IGSF3: variants seen among roughly 807,000 people sequenced by gnomAD.
IGSF3 encodes the protein glu-Trp-Ile EWI motif-containing protein 3.
A neutral mutation model predicts 114.4 loss-of-function variants in IGSF3; 23 were observed. That is an observed-to-expected ratio of 0.20 (90% CI 0.14 to 0.28). IGSF3 has a LOEUF of 0.28. Ranked by LOEUF, IGSF3 falls within the 10% of genes least tolerant of loss-of-function variation. The probability of loss-of-function intolerance (pLI) is 1.00; values close to 1 mark genes in which losing one functional copy is unlikely to be tolerated. For missense variants in IGSF3, 1,172 were observed against 1,591.5 expected, an observed-to-expected ratio of 0.74 and a Z score of 4.48; for synonymous variants, 571 against 645.2, an observed-to-expected ratio of 0.88 and a Z score of 1.74.
rs568788841 is a variant in IGSF3, at chr1:116,594,295, T to C, written c.2030-5191A>G. On this transcript the variant is annotated intron_variant, in intron 7 of 10. Transcript: ENST00000369486. The surrounding 1 kb of genome is among the most constrained non-coding windows in gnomAD (Gnocchi z 5.2). Reference sequence around the variant, plus strand: ...GAACTACTTTTTTTAAAAAAAACTTTCTTTATCCCACAACTAGGACAATAT... The same window carrying C: ...GAACTACTTTTTTTAAAAAAAACTTCCTTTATCCCACAACTAGGACAATAT... Among the ~76,000 whole-genome samples, 1 of 152,338 alleles carries C rather than the reference T, an allele frequency of 6.6e-6. No individual in the cohort carries two copies. Among genetic ancestry groups the C allele is most frequent in the Admixed American group, 6.5e-5 (1 of 15,308 alleles).
chr1:116,583,063 C>T lies in IGSF3; in HGVS notation c.2848+1582G>A, dbSNP rs995857746. Among the ~76,000 whole-genome samples, 2 of 152,176 alleles carry T rather than the reference C, an allele frequency of 1.3e-5. No individual in the cohort carries two copies. Among genetic ancestry groups the T allele is most frequent in the African/African-American group, 4.8e-5 (2 of 41,430 alleles). The stretch of plus-strand genomic sequence containing the variant: ...AGGGAAGCCTGGGTGGTCACTCTGC[C>T]TGCACCTGCTGGCTGGGTGGTGATT... On this transcript the variant is annotated intron_variant, in intron 9 of 10. Transcript: ENST00000369486. The surrounding 1 kb of genome is among the most constrained non-coding windows in gnomAD (Gnocchi z 4.5).
intron 7 of IGSF3, 32 bp downstream of exon 7, chr1:116,599,909 G>GGCGCATA: frequency 3.8e-6 from 6 of 1,565,900 alleles, no homozygotes; most frequent in Non-Finnish European, 4.4e-6. Flanking sequence ...CAGGCAGCAT[G>GGCGCATA]GGCACATAGC....
Position 116,633,108 on chromosome 1 carries a change from T to C in IGSF3, c.44-16651A>G, listed in dbSNP as rs970764514. 6.6e-6 allele frequency among the ~76,000 whole-genome samples: 1 copy of C among 152,242 alleles called. No individual in the cohort carries two copies. Among genetic ancestry groups the C allele is most frequent in the Non-Finnish European group, 1.5e-5 (1 of 68,040 alleles). On this transcript the variant is annotated intron_variant, in intron 2 of 10. Coordinates refer to ENST00000369486, the MANE Select transcript of IGSF3 (RefSeq NM_001007237.3). This position sits in a 1 kb window ranked among gnomAD's most constrained non-coding sequence, Gnocchi z 4.3. ...TTCTGTGAGCTGTATTTGGGCTTTA[T>C]GCAGAGTTCAGCTGCCATCTGTCCC...
rs1459995754 is a variant in IGSF3, at chr1:116,588,022, CA to C, written c.2440+671del. ...GACGCAGACTTCTCTTTGGTTGTTC[CA>C]GGGGCAGATCTAAAAAGGGAAATTA... On this transcript the variant is annotated intron_variant, in intron 8 of 10. Coordinates refer to ENST00000369486, the MANE Select transcript of IGSF3 (RefSeq NM_001007237.3). The surrounding 1 kb of genome is among the most constrained non-coding windows in gnomAD (Gnocchi z 4.9). 6.6e-6 allele frequency among the ~76,000 whole-genome samples: 1 copy of C among 152,192 alleles called. No homozygotes were observed. The highest frequency in any genetic ancestry group is 1.9e-4 in the East Asian group (1 of 5,196).
intron 2 of IGSF3, among the ~76,000 whole-genome samples, chr1:116,637,915 A>G (rs1647910143): frequency 6.6e-6 from 1 of 152,212 alleles, no homozygotes; most frequent in Non-Finnish European, 1.5e-5. Flanking sequence ...CCAGCATGCT[A>G]ATGAAGCCAA....
At position 116,647,850 on chromosome 1, in the gene IGSF3, T is replaced by G. The variant is rs1202620590; in HGVS notation, c.43+18434A>C. 6.6e-6 allele frequency among the ~76,000 whole-genome samples: 1 copy of G among 152,194 alleles called. No individual in the cohort carries two copies. Among genetic ancestry groups the G allele is most frequent in the East Asian group, 1.9e-4 (1 of 5,204 alleles). On this transcript the variant is annotated intron_variant, in intron 2 of 10. Transcript: ENST00000369486. The surrounding 1 kb of genome is among the most constrained non-coding windows in gnomAD (Gnocchi z 4.6). ...TGGGCACGGTGGCTCACGCCTGTAA[T>G]CCAAGCACTTTGGGAGGCCAAGGCG...
Position 116,627,653 on chromosome 1 carries a change from C to T in IGSF3, c.44-11196G>A, listed in dbSNP as rs1220002340. ...TCAGCTACCAGGCAGCAGAGGGATG[C>T]GGGGCGCCAACAGCAAAAGCACTTG... On this transcript the variant is annotated intron_variant, in intron 2 of 10. Transcript: ENST00000369486. This position sits in a 1 kb window ranked among gnomAD's most constrained non-coding sequence, Gnocchi z 4.7. Among the ~76,000 whole-genome samples, 8 of 152,180 alleles carry T rather than the reference C, an allele frequency of 5.3e-5. No individual in the cohort carries two copies. The East Asian group carries it at 9.6e-4, about 18-fold the overall frequency.
At chr1:116,643,359 ATTC>A (rs1648194620) in intron 2 of IGSF3, among the ~76,000 whole-genome samples, 2 of 152,176 alleles carry the variant, frequency 1.3e-5, no homozygotes, top group Non-Finnish European at 2.9e-5. Context: ...CTACTTCTCC[ATTC>A]ATGCCGCAGG....
At chr1:116,646,455 CT>C (rs1244689412) in intron 2 of IGSF3, among the ~76,000 whole-genome samples, 8 of 152,174 alleles carry the variant, frequency 5.3e-5, no homozygotes, top group Non-Finnish European at 1.2e-4. Context: ...AAAAGTTCCT[CT>C]CAGCACAATA....
Position 116,613,968 on chromosome 1 carries a change from T to G in IGSF3, c.629A>C (p.Tyr210Ser), listed in dbSNP as rs558389581. ...CTCCCCCAGGCTCTGCCTCTGGGCA[T>G]ATTCGCTGCTGGAGTGAAGCATGAA... ...RDFMLHSSSEYAQRQSLGEVR... is the reference protein window; with the variant it reads ...RDFMLHSSSESAQRQSLGEVR... Residue 210 changes from tyrosine (Y) to serine (S), a missense_variant, in exon 4 of 11, where the codon TAT becomes TCT. Tyr to Ser is a moderately radical substitution (Grantham distance 144). Transcript: ENST00000369486. 1.2e-6 allele frequency: 2 copies of G among 1,613,976 alleles called. No individual in the cohort carries two copies. The highest frequency in any genetic ancestry group is 2.2e-5 in the South Asian group (2 of 91,064).
In IGSF3 at chr1:116,603,510, A is replaced by G; in HGVS notation, c.1624+114T>C. ...GAAAGTACTTCAAACTCTATAGGTAAAAGACTGGCCATAGTTTCCTGCTAA... is the reference window on the plus strand; with the variant it reads ...GAAAGTACTTCAAACTCTATAGGTAGAAGACTGGCCATAGTTTCCTGCTAA... On this transcript the variant is annotated intron_variant, in intron 6 of 10. Coordinates refer to ENST00000369486, the MANE Select transcript of IGSF3 (RefSeq NM_001007237.3). The surrounding 1 kb of genome is among the most constrained non-coding windows in gnomAD (Gnocchi z 7.1). 1 of 1,018,722 alleles carries G rather than the reference A, an allele frequency of 9.8e-7. No homozygotes were observed. Among genetic ancestry groups the G allele is most frequent in the Non-Finnish European group, 1.5e-6 (1 of 682,170 alleles). The allele number at this position is 1,018,722 out of a possible 1,614,324, so 63.1% of individuals were successfully genotyped here.
rs919589339 is a variant in IGSF3, at chr1:116,594,608, C to T, written c.2029+5333G>A. ...ATAAAGACACTTGCCCAAGGTCACA[C>T]AGCTGGCTTAGTGGTAGAGCTGGAA... On this transcript the variant is annotated intron_variant, in intron 7 of 10. Transcript: ENST00000369486. This position sits in a 1 kb window ranked among gnomAD's most constrained non-coding sequence, Gnocchi z 5.2. Among the ~76,000 whole-genome samples the T allele has an allele frequency of 5.3e-5, 8 of 152,210 alleles. No homozygotes were observed. The highest frequency in any genetic ancestry group is 8.8e-5 in the Non-Finnish European group (6 of 68,042).
In IGSF3 at chr1:116,585,895, A is replaced by G. The variant is rs1276523611; in HGVS notation, c.2441-843T>C. Reference sequence around the variant, plus strand: ...CAACAGAGTGAGACTGTCTCAAAAAAAAGAAAAAGAAAAAGAAAAAGAAAA... The same window carrying G: ...CAACAGAGTGAGACTGTCTCAAAAAGAAGAAAAAGAAAAAGAAAAAGAAAA... On this transcript the variant is annotated intron_variant, in intron 8 of 10. Coordinates refer to ENST00000369486, the MANE Select transcript of IGSF3 (RefSeq NM_001007237.3). This position sits in a 1 kb window ranked among gnomAD's most constrained non-coding sequence, Gnocchi z 4.9. Among the ~76,000 whole-genome samples, 1 of 151,794 alleles carries G rather than the reference A, an allele frequency of 6.6e-6. No individual in the cohort carries two copies. Among genetic ancestry groups the G allele is most frequent in the African/African-American group, 2.4e-5 (1 of 41,096 alleles).
rs1277437577 is a variant in IGSF3, at chr1:116,577,769, TC to T, written c.3335-208del. Among the ~76,000 whole-genome samples, 1 of 152,208 alleles carries T rather than the reference TC, an allele frequency of 6.6e-6. No homozygotes were observed. The highest frequency in any genetic ancestry group is 2.4e-5 in the African/African-American group (1 of 41,460). ...CCTCTCCTAATTTACGGCTGTATGTTCCAACAAAGCAATGCTTCTGTTTTCC... is the reference window on the plus strand; with the variant it reads ...CCTCTCCTAATTTACGGCTGTATGTTCAACAAAGCAATGCTTCTGTTTTCC... On this transcript the variant is annotated intron_variant, in intron 10 of 10. Transcript: ENST00000369486. The surrounding 1 kb of genome is among the most constrained non-coding windows in gnomAD (Gnocchi z 5.7).
At position 116,654,865 on chromosome 1, in the gene IGSF3, C is replaced by CA. The variant is rs1394198407; in HGVS notation, c.43+11418dup. 6.6e-6 allele frequency among the ~76,000 whole-genome samples: 1 copy of CA among 152,138 alleles called. No homozygotes were observed. Among genetic ancestry groups the CA allele is most frequent in the African/African-American group, 2.4e-5 (1 of 41,426 alleles). ...ATAAAAGTTTGCCCTTTAGCCTCCTCAGAGCCCCCTCCCTTCTCCTCGCTC... is the reference window on the plus strand; with the variant it reads ...ATAAAAGTTTGCCCTTTAGCCTCCTCAAGAGCCCCCTCCCTTCTCCTCGCTC... On this transcript the variant is annotated intron_variant, in intron 2 of 10. Transcript: ENST00000369486. The surrounding 1 kb of genome is among the most constrained non-coding windows in gnomAD (Gnocchi z 4.4).
chr1:116,622,047 C>T (rs1056981455), intron 2 of IGSF3, among the ~76,000 whole-genome samples: 2 of 152,132 alleles, frequency 1.3e-5, no homozygotes, highest in African/African-American at 2.4e-5. Flanking sequence ...AGAAACCTAC[C>T]TCTCTAGGCA....
chr1:116,645,200 C>T (rs1416226737), intron 2 of IGSF3, among the ~76,000 whole-genome samples: 3 of 152,216 alleles, frequency 2.0e-5, no homozygotes, highest in Non-Finnish European at 4.4e-5. Flanking sequence ...TAGATATACA[C>T]AAGAACATGG....
chr1:116,584,902 C>T lies in IGSF3; in HGVS notation c.2591G>A (p.Arg864Gln), dbSNP rs200402814. Residue 864 changes from arginine to glutamine, a missense_variant, in exon 9 of 11, where the codon CGG (arginine) becomes CAG (glutamine). Physicochemically the swap from Arg to Gln is conservative, Grantham distance 43. Around this residue, in one of 3 missense-constraint regions of IGSF3, gnomAD observed 423 missense variants for 509.8 expected, o/e 0.83. Transcript: ENST00000369486. This position sits in a 1 kb window ranked among gnomAD's most constrained non-coding sequence, Gnocchi z 5.8. ...WFVWKPNHPERETVARLSRDA... is the reference protein window; with the variant it reads ...WFVWKPNHPEQETVARLSRDA... ...ACGGCTCAAGCGGGCCACAGTCTCCCGCTCAGGGTGGTTGGGCTTCCATAC... is the reference window on the plus strand; with the variant it reads ...ACGGCTCAAGCGGGCCACAGTCTCCTGCTCAGGGTGGTTGGGCTTCCATAC... 1.5e-5 allele frequency: 24 copies of T among 1,614,156 alleles called. No individual in the cohort carries two copies. Among genetic ancestry groups the T allele is most frequent in the Middle Eastern group, 1.6e-4 (1 of 6,062 alleles).
In IGSF3 at chr1:116,608,279, G is replaced by A. The variant is rs773954560; in HGVS notation, c.885C>T (p.Gly295=). 30 of 1,606,624 alleles carry A rather than the reference G, an allele frequency of 1.9e-5. No individual in the cohort carries two copies. Among genetic ancestry groups the A allele is most frequent in the Middle Eastern group, 1.7e-4 (1 of 6,032 alleles). Residue 295 remains glycine (G), a synonymous_variant, in exon 5 of 11, where the codon GGC becomes GGT. Transcript: ENST00000369486. The stretch of plus-strand genomic sequence containing the variant: ...GGATGCATCTGAACTCCACCGGCTC[G>A]CCCACCGTGTGCAGCCGCTTCTCTG... ...LETEKRLHTV[G]EPVEFRCILE... is the part of the protein sequence containing the mutation.
Sources: gnomAD v4.1 joint callset for allele counts (sites outside exome capture counted in the v4.1 genomes callset) on GRCh38, gnomAD v4.1.1 for gene constraint, gnomAD v4.1.1 regional missense constraint, Gnocchi (gnomAD v3.1) non-coding constraint, MANE v1.5 for transcripts, NCBI Gene and HGNC (gene_info 2026-07-23, HGNC 2026-07-21) for gene names.